FREM1: variants seen among roughly 807,000 people sequenced by gnomAD.
FREM1 encodes the protein FRAS1-related extracellular matrix protein 1.
Under a neutral mutation model 210.1 loss-of-function variants are expected in FREM1, and 220 were observed. The observed-to-expected ratio is 1.05, with a 90% CI of 0.94 to 1.17. The LOEUF (loss-of-function observed/expected upper bound fraction) is 1.17, where lower values mean the gene tolerates loss of function less well. Ranked by LOEUF, FREM1 falls within the 50% of genes most tolerant of loss-of-function variation. The pLI is 0.00. For missense variants in FREM1, 3,454 were observed against 2,675.5 expected, an observed-to-expected ratio of 1.29 and a Z score of -6.42; for synonymous variants, 1,189 against 980.2, an observed-to-expected ratio of 1.21 and a Z score of -3.98.
intron 24 of FREM1, among the ~76,000 whole-genome samples, chr9:14,783,066 GATCA>G (rs1315018324): frequency 6.6e-6 from 1 of 152,136 alleles, no homozygotes; most frequent in Non-Finnish European, 1.5e-5. Flanking sequence ...TTAAAATATT[GATCA>G]ATTAAATGAT....
intron 14 of FREM1, 43 bp downstream of exon 14, chr9:14,819,191 G>C: frequency 2.1e-6 from 3 of 1,413,730 alleles, no homozygotes; most frequent in Non-Finnish European, 2.9e-6. Flanking sequence ...ATCTAGATAA[G>C]AAACTAAAGC....
At chr9:14,801,956 T>C in intron 19 of FREM1, 82 bp from the exon 20 acceptor site, 1 of 986,744 alleles carries the variant, frequency 1.0e-6, no homozygotes, top group Non-Finnish European at 1.5e-6. Flanking sequence ...AAGAAATCAC[T>C]TGAATATATC....
chr9:14,838,908 G>C lies in FREM1; in HGVS notation c.1881+2539C>G, dbSNP rs567053165. Among the ~76,000 whole-genome samples, 3 of 152,262 alleles carry C rather than the reference G, an allele frequency of 2.0e-5. No homozygotes were observed. In the South Asian group the frequency reaches 6.2e-4, roughly 32 times the overall value. The stretch of plus-strand genomic sequence containing the variant: ...GCCTGAGGGTTTGTGGAATGGGGTC[G>C]TCAGAGGATTCTTGGAACAGCTGAT... On this transcript the variant is annotated intron_variant, in intron 10 of 36. Transcript: ENST00000380880.
intron 1 of FREM1, among the ~76,000 whole-genome samples, chr9:14,871,944 T>C (rs1000216798): frequency 6.6e-6 from 1 of 152,210 alleles, no homozygotes; most frequent in African/African-American, 2.4e-5. Flanking sequence ...TGCTTGTTTT[T>C]GTCAGGTTTG....
chr9:14,864,602 T>G (rs569473343), intron 2 of FREM1, among the ~76,000 whole-genome samples: 1 of 152,196 alleles, frequency 6.6e-6, no homozygotes, highest in Non-Finnish European at 1.5e-5. Flanking sequence ...TCAGAATTAT[T>G]AGGAGATTGT....
At position 14,876,384 on chromosome 9, in the gene FREM1, G is replaced by A. The variant is rs1257601094; in HGVS notation, c.-267-7140C>T. 5.3e-5 allele frequency among the ~76,000 whole-genome samples: 8 copies of A among 151,478 alleles called. No individual in the cohort carries two copies. The South Asian group carries it at 6.3e-4, about 12-fold the overall frequency. On this transcript the variant is annotated intron_variant, in intron 1 of 36. Coordinates refer to ENST00000380880, the MANE Select transcript of FREM1 (RefSeq NM_001379081.2). ...TACCTAAGCAAGCCTGGGCAATGGCGGGCGCCCCTCCCCCAGCCTCGCTGC... is the reference window on the plus strand; with the variant it reads ...TACCTAAGCAAGCCTGGGCAATGGCAGGCGCCCCTCCCCCAGCCTCGCTGC...
rs749855800 is a variant in FREM1 at position 14,784,479 on chromosome 9, C to T, written c.4333G>A (p.Val1445Ile). The change falls in exon 24 of 37, where the codon GTT becomes ATT. Residue 1445 changes from valine to isoleucine, a missense_variant. Physicochemically the swap from Val to Ile is conservative, Grantham distance 29. Coordinates refer to ENST00000380880, the MANE Select transcript of FREM1 (RefSeq NM_001379081.2). ...GTAATGGGAACTCCAGGATAGTGAA[C>T]ATATTCGATCTGGCCATATCGCGGA... ...SPPRYGQIEYVHYPGVPITNF... is the reference protein window; with the variant it reads ...SPPRYGQIEYIHYPGVPITNF... The T allele has an allele frequency of 9.3e-6, 15 of 1,613,888 alleles. No individual in the cohort carries two copies. Among genetic ancestry groups the T allele is most frequent in the Non-Finnish European group, 1.3e-5 (15 of 1,179,844 alleles).
At chr9:14,781,501 G>A (rs1420599318) in intron 24 of FREM1, among the ~76,000 whole-genome samples, 3 of 152,046 alleles carry the variant, frequency 2.0e-5, no homozygotes, top group Admixed American at 6.5e-5. Context: ...GTATTTAAAA[G>A]GAAACCTTTT....
At chr9:14,851,727 C>G (rs1243909343) in intron 5 of FREM1, 120 bp from the exon 6 acceptor site, 2 of 825,548 alleles carry the variant, frequency 2.4e-6, no homozygotes, top group Non-Finnish European at 4.1e-6. Flanking sequence ...GACCTGAAGC[C>G]TGGCTGCATA....
At chr9:14,893,668 T>G (rs1588632577) in intron 1 of FREM1, among the ~76,000 whole-genome samples, 1 of 152,350 alleles carries the variant, frequency 6.6e-6, no homozygotes, top group East Asian at 1.9e-4. Flanking sequence ...AATTAATCTT[T>G]GGGAAATAAA....
intron 36 of FREM1, among the ~76,000 whole-genome samples, chr9:14,738,391 T>A (rs10961691): frequency 6.6e-6 from 1 of 151,670 alleles, no homozygotes; most frequent in African/African-American, 2.4e-5. Flanking sequence ...TTTTTCAGTC[T>A]GTATTTTTGG....
intron 27 of FREM1, among the ~76,000 whole-genome samples, chr9:14,764,486 A>G (rs894083191): frequency 6.6e-6 from 1 of 152,228 alleles, no homozygotes; most frequent in Non-Finnish European, 1.5e-5. Context: ...CATAGAGAGA[A>G]AGATGGCATT....
intron 21 of FREM1, among the ~76,000 whole-genome samples, chr9:14,796,881 G>A (rs537512213): frequency 1.3e-5 from 2 of 152,292 alleles, no homozygotes; most frequent in South Asian, 4.1e-4. Flanking sequence ...TTATAGCAGT[G>A]TGAGAACAGA....
At chr9:14,776,439 C>G (rs1428908456) in intron 24 of FREM1, among the ~76,000 whole-genome samples, 1 of 152,182 alleles carries the variant, frequency 6.6e-6, no homozygotes, top group East Asian at 1.9e-4. Context: ...ATGACAGACC[C>G]ATGTGATGGA....
At chr9:14,891,454 C>T (rs1005113293) in intron 1 of FREM1, among the ~76,000 whole-genome samples, 1 of 152,132 alleles carries the variant, frequency 6.6e-6, no homozygotes, top group East Asian at 1.9e-4. Flanking sequence ...ATGCCAAGCA[C>T]AGGGGAACAT....
At chr9:14,900,272 T>C (rs1838542164) in intron 1 of FREM1, among the ~76,000 whole-genome samples, 1 of 152,174 alleles carries the variant, frequency 6.6e-6, no homozygotes, top group South Asian at 2.1e-4. Context: ...GGCCCAGGCA[T>C]CTGAATTTAA....
chr9:14,742,105 T>A (rs1362037620), intron 35 of FREM1, among the ~76,000 whole-genome samples: 1 of 152,232 alleles, frequency 6.6e-6, no homozygotes, highest in Non-Finnish European at 1.5e-5. Context: ...TATGCTCACA[T>A]ACATATAAAA....
chr9:14,800,245 C>T (rs1439128614), intron 20 of FREM1, among the ~76,000 whole-genome samples: 1 of 151,992 alleles, frequency 6.6e-6, no homozygotes, highest in Non-Finnish European at 1.5e-5. Flanking sequence ...GGGGCTCAAG[C>T]AGAGGTTAAC....
intron 1 of FREM1, among the ~76,000 whole-genome samples, chr9:14,889,149 A>T (rs1171818104): frequency 6.6e-6 from 1 of 152,182 alleles, no homozygotes; most frequent in Non-Finnish European, 1.5e-5. Context: ...TTAAGTATAA[A>T]TCGGTCTGTT....
Sources: allele counts gnomAD v4.1 joint callset (sites outside exome capture counted in the v4.1 genomes callset), GRCh38; gene constraint gnomAD v4.1.1; transcripts MANE v1.5; gene names NCBI Gene and HGNC (gene_info 2026-07-23, HGNC 2026-07-21).